Variants in TACO1 observed in about 807,000 individuals in gnomAD.
TACO1 encodes translational activator of cytochrome c oxidase 1.
Under a neutral mutation model 24.0 loss-of-function variants are expected in TACO1, and 13 were observed. That is an observed-to-expected ratio of 0.54 (90% confidence interval 0.35 to 0.86). TACO1 has a LOEUF of 0.86. Among genes scored for constraint, TACO1 ranks in the 40% least tolerant of loss-of-function variants. The probability of loss-of-function intolerance (pLI) is 0.01; values close to 1 mark genes in which losing one functional copy is unlikely to be tolerated. For missense variants in TACO1, 352 were observed against 380.1 expected (o/e 0.93, Z 0.61); for synonymous variants, 149 against 153.5 (o/e 0.97, Z 0.22).
Position 63,607,896 on chromosome 17 carries a change from A to G in TACO1, c.788A>G (p.Asn263Ser). The part of the protein sequence containing the change: ...SVSCALEFIP[N>S]SKVQLAEPDL... ...TCCTGTGCACTAGAGTTCATCCCCA[A>G]CTCAAAGGTGCAGCTGGCTGAGCCC... is the stretch of plus-strand genomic sequence containing the variant. Residue 263 changes from asparagine to serine, a missense_variant, in exon 5 of 5, where the codon AAC (asparagine) becomes AGC (serine). Coordinates refer to ENST00000258975, the MANE Select transcript of TACO1 (RefSeq NM_016360.4). 2.5e-6 allele frequency: 4 copies of G among 1,614,120 alleles called. No homozygotes were observed. Among genetic ancestry groups the G allele is most frequent in the South Asian group, 2.2e-5 (2 of 91,078 alleles).
rs140589058 is a variant in TACO1 at position 63,606,186 on chromosome 17, T to C, written c.388-127T>C. ...TAGAGGGTGGGGACAAAAATAAAGA[T>C]TGAGAGCTCAGGCTCCAGCCTAGAG... On this transcript the variant is annotated intron_variant, in intron 2 of 4. Coordinates refer to ENST00000258975, the MANE Select transcript of TACO1 (RefSeq NM_016360.4). 4.8e-6 allele frequency: 6 copies of C among 1,239,462 alleles called. No individual in the cohort carries two copies. The African/African-American group carries it at 7.4e-5, about 15-fold the overall frequency. 76.8% of individuals were successfully genotyped at this position (1,239,462 alleles called of 1,614,324 possible).
At chr17:63,604,396 G>A (rs2033846649) in intron 1 of TACO1, 138 bp from the exon 2 acceptor site, 12 of 748,872 alleles carry the variant, frequency 1.6e-5, no homozygotes, top group Non-Finnish European at 2.8e-5. Context: ...CACTAGTTAA[G>A]GTATTCTAAG....
intron 4 of TACO1, 44 bp downstream of exon 4, chr17:63,607,508 C>T (rs2143037406): frequency 6.2e-7 from 1 of 1,600,428 alleles, no homozygotes; most frequent in Middle Eastern, 1.7e-4. Flanking sequence ...CCGGGAGGAC[C>T]CTGATAGATG....
Position 63,601,197 on chromosome 17 carries a change from GC to G in TACO1, c.118del (p.Arg40GlyfsTer47), listed in dbSNP as rs1333283611. The G allele has an allele frequency of 6.4e-7, 1 of 1,563,970 alleles. No individual in the cohort carries two copies. The highest frequency in any genetic ancestry group is 1.2e-5 in the South Asian group (1 of 85,598). On this transcript the variant is annotated frameshift_variant, in exon 1 of 5. Transcript: ENST00000258975. LOFTEE classifies it high-confidence loss of function. ...PRDPRPSHPE[P>X]RGCGAAPGRT... ...GCGACCCCCGGCCCTCCCACCCCGA[GC>G]CCCGGGGCTGCGGTGCCGCTCCGGG...
chr17:63,606,751 G>A (rs1245746099), intron 3 of TACO1: 4 of 399,654 alleles, frequency 1.0e-5, no homozygotes, highest in Non-Finnish European at 1.9e-5. Context: ...GTTTCATCAT[G>A]TTGGCCAGAC....
In TACO1 at chr17:63,608,057, C is replaced by T. The variant is rs2033877620; in HGVS notation, c.*55C>T. 6.3e-7 allele frequency: 1 copy of T among 1,585,620 alleles called. No individual in the cohort carries two copies. Among genetic ancestry groups the T allele is most frequent in the East Asian group, 2.2e-5 (1 of 44,764 alleles). On this transcript the variant is annotated 3_prime_UTR_variant, in exon 5 of 5. Coordinates refer to ENST00000258975, the MANE Select transcript of TACO1 (RefSeq NM_016360.4). Reference sequence around the variant, plus strand: ...CTAGAAATGTGGCAGCCCATTCCAGCACACAGGCTTCTGCAGCAATCTCTG... The same window carrying T: ...CTAGAAATGTGGCAGCCCATTCCAGTACACAGGCTTCTGCAGCAATCTCTG...
rs1012233395 is a variant in TACO1 at position 63,607,405 on chromosome 17, G to A, written c.634G>A (p.Glu212Lys). ...NLERALEMAIEAGAEDVKETE... is the reference protein window; with the variant it reads ...NLERALEMAIKAGAEDVKETE... ...AGAGCGTGCCCTGGAGATGGCAATC[G>A]AAGCAGGAGCTGAGGATGTCAAGGA... The change falls in exon 4 of 5, where the codon GAA becomes AAA. Residue 212 changes from glutamate (E) to lysine (K), a missense_variant. Physicochemically the swap from Glu to Lys is moderately conservative, Grantham distance 56. Coordinates refer to ENST00000258975, the MANE Select transcript of TACO1 (RefSeq NM_016360.4). 6.2e-6 allele frequency: 10 copies of A among 1,614,082 alleles called. No individual in the cohort carries two copies. The highest frequency in any genetic ancestry group is 1.7e-5 in the Admixed American group (1 of 60,002).
chr17:63,602,779 C>T (rs2033831777), intron 1 of TACO1, among the ~76,000 whole-genome samples: 1 of 152,078 alleles, frequency 6.6e-6, no homozygotes, highest in African/African-American at 2.4e-5. Flanking sequence ...ATCTACCCAC[C>T]TCCACCTCCC....
chr17:63,606,424 A>C lies in TACO1; in HGVS notation c.499A>C (p.Ile167Leu), dbSNP rs1347196042. 1 of 1,614,110 alleles carries C rather than the reference A, an allele frequency of 6.2e-7. No individual in the cohort carries two copies. Among genetic ancestry groups the C allele is most frequent in the Non-Finnish European group, 8.5e-7 (1 of 1,180,042 alleles). ...SHKCQADIRH[I>L]LNKNGGVMAV... ...CAAGTGCCAAGCAGACATTAGACAT[A>C]TCCTGAATAAGAATGGGTAAGTGTG... The change falls in exon 3 of 5, where the codon ATC (isoleucine) becomes CTC (leucine). Residue 167 changes from isoleucine to leucine, a missense_variant. Physicochemically the swap from Ile to Leu is conservative, Grantham distance 5. Coordinates refer to ENST00000258975, the MANE Select transcript of TACO1 (RefSeq NM_016360.4).
intron 2 of TACO1, among the ~76,000 whole-genome samples, chr17:63,604,861 A>G (rs1020765555): frequency 3.9e-5 from 6 of 152,044 alleles, no homozygotes; most frequent in Admixed American, 3.3e-4. Context: ...CTAAAAATAC[A>G]AAAATTAGCT....
chr17:63,603,356 C>A (rs968890521), intron 1 of TACO1, among the ~76,000 whole-genome samples: 4 of 152,160 alleles, frequency 2.6e-5, no homozygotes, highest in African/African-American at 9.7e-5. Flanking sequence ...TCATCTGACA[C>A]AAAGTAGAGA....
rs2147787647 is a variant in TACO1 at position 63,604,594 on chromosome 17, G to A, written c.341G>A (p.Ser114Asn). 2 of 1,614,140 alleles carry A rather than the reference G, an allele frequency of 1.2e-6. No homozygotes were observed. The highest frequency in any genetic ancestry group is 2.2e-5 in the South Asian group (2 of 91,082). The part of the protein sequence containing the change: ...NLANILEVCR[S>N]KHMPKSTIET... ...GCCAATATCTTAGAGGTGTGTCGCA[G>A]CAAACATATGCCCAAGTCAACGATT... The change falls in exon 2 of 5, where the codon AGC (serine) becomes AAC (asparagine). Residue 114 changes from serine (S) to asparagine (N), a missense_variant. Ser to Asn is a conservative substitution (Grantham distance 46). Coordinates refer to ENST00000258975, the MANE Select transcript of TACO1 (RefSeq NM_016360.4).
intron 2 of TACO1, among the ~76,000 whole-genome samples, chr17:63,605,329 G>A (rs1051778421): frequency 1.3e-5 from 2 of 152,176 alleles, no homozygotes; most frequent in Non-Finnish European, 2.9e-5. Context: ...GGGGGTGATA[G>A]AGATGGTGGG....
intron 3 of TACO1, 82 bp from the exon 4 acceptor site, chr17:63,607,205 G>A: frequency 7.9e-7 from 1 of 1,260,664 alleles, no homozygotes. Flanking sequence ...GTAAGAAAGA[G>A]ACAGTGATAG....
rs1045398142 is a variant in TACO1 at position 63,600,918 on chromosome 17, T to A, written c.-166T>A. 8.1e-5 allele frequency: 58 copies of A among 714,272 alleles called. No individual in the cohort carries two copies. Among genetic ancestry groups the A allele is most frequent in the Non-Finnish European group, 1.2e-4 (53 of 429,694 alleles). 44.2% of individuals were successfully genotyped at this position (714,272 alleles called of 1,614,324 possible). A position where few individuals can be genotyped will look rare whatever the true frequency, so the allele number is the denominator to read the frequency against. Reference sequence around the variant, plus strand: ...CCAGTCCCGGGTGCCGCGGGGACAGTGTAGGGTCATTAGCTGTTGAGCCGC... The same window carrying A: ...CCAGTCCCGGGTGCCGCGGGGACAGAGTAGGGTCATTAGCTGTTGAGCCGC... On this transcript the variant is annotated 5_prime_UTR_variant, in exon 1 of 5. Coordinates refer to ENST00000258975, the MANE Select transcript of TACO1 (RefSeq NM_016360.4).
intron 1 of TACO1, among the ~76,000 whole-genome samples, chr17:63,602,021 A>G (rs555631197): frequency 6.0e-5 from 9 of 150,080 alleles, no homozygotes; most frequent in Admixed American, 5.4e-4. Context: ...AGGCAGGCAG[A>G]TCACTTGAGG....
chr17:63,604,313 G>C (rs2033845960), intron 1 of TACO1, among the ~76,000 whole-genome samples: 1 of 152,198 alleles, frequency 6.6e-6, no homozygotes, highest in Admixed American at 6.5e-5. Context: ...ACTCCAGCCA[G>C]CAACAGAGTG....
rs1467019485 is a variant in TACO1 at position 63,601,035 on chromosome 17, C to G, written c.-49C>G. ...TTGTTCCGGCAGTGGAAGAGACGCG[C>G]CGGCGTTGGCCGCTGCTGCTAGCAG... On this transcript the variant is annotated 5_prime_UTR_variant, in exon 1 of 5. Coordinates refer to ENST00000258975, the MANE Select transcript of TACO1 (RefSeq NM_016360.4). 2.0e-6 allele frequency: 3 copies of G among 1,532,990 alleles called. No individual in the cohort carries two copies. The African/African-American group carries it at 4.1e-5, about 21-fold the overall frequency. The allele number at this position is 1,532,990 out of a possible 1,614,324, so 95.0% of individuals were successfully genotyped here. A position where few individuals can be genotyped will look rare whatever the true frequency, so the allele number is the denominator to read the frequency against.
Position 63,604,494 on chromosome 17 carries a change from TC to T in TACO1, c.281-39del, listed in dbSNP as rs534746533. On this transcript the variant is annotated intron_variant, in intron 1 of 4. Transcript: ENST00000258975. ...TATTCTCCCATGTTGTAATGAGATG[TC>T]TTTGCTCACTCTTTTTTTTCTTTTT... 1.9e-5 allele frequency: 30 copies of T among 1,548,372 alleles called. No homozygotes were observed. In the Admixed American group the frequency reaches 5.0e-4, roughly 26 times the overall value.
Sources: allele counts gnomAD v4.1 joint callset (sites outside exome capture counted in the v4.1 genomes callset), GRCh38; gene constraint gnomAD v4.1.1; transcripts MANE v1.5; gene names NCBI Gene and HGNC (gene_info 2026-07-23, HGNC 2026-07-21).